PRKN: variants seen among roughly 807,000 people sequenced by gnomAD.
The protein encoded by PRKN is parkin RBR E3 ubiquitin protein ligase, also known as E3 ubiquitin-protein ligase parkin.
A neutral mutation model predicts 59.5 loss-of-function variants in PRKN; 56 were observed. The ratio of observed to expected loss-of-function variants is 0.94; its 90% CI spans 0.76 to 1.18. The LOEUF is 1.18. PRKN is among the 50% of genes most tolerant of loss of function. PRKN has a pLI of 0.00. For synonymous variants in PRKN, 250 were observed against 222.1 expected (o/e 1.13, Z -1.12); for missense variants, 657 against 596.4 (o/e 1.10, Z -1.06).
intron 7 of PRKN, 145 bp from the exon 8 acceptor site, chr6:161,569,561 C>T (rs894027493): frequency 5.4e-6 from 4 of 738,640 alleles, no homozygotes; most frequent in African/African-American, 3.5e-5. Flanking sequence ...ATCTAACCAA[C>T]CACAAAAAAA....
intron 6 of PRKN, among the ~76,000 whole-genome samples, chr6:161,825,897 G>T (rs1792224193): frequency 6.6e-6 from 1 of 152,140 alleles, no homozygotes. Flanking sequence ...GACCAACTGT[G>T]GCTCTTTAGG....
At chr6:161,771,595 C>G (rs908166624) in intron 7 of PRKN, among the ~76,000 whole-genome samples, 9 of 151,980 alleles carry the variant, frequency 5.9e-5, no homozygotes, top group Admixed American at 3.9e-4. Flanking sequence ...CTGGTGATGT[C>G]TAGTAATGGT....
At chr6:162,243,887 C>T (rs1197512763) in intron 3 of PRKN, among the ~76,000 whole-genome samples, 1 of 152,000 alleles carries the variant, frequency 6.6e-6, no homozygotes, top group Non-Finnish European at 1.5e-5. Flanking sequence ...GGATGTAATT[C>T]ACGAATATAT....
chr6:161,954,192 AATACAT>A (rs1780088583), intron 6 of PRKN, among the ~76,000 whole-genome samples: 4 of 152,194 alleles, frequency 2.6e-5, no homozygotes, highest in Non-Finnish European at 5.9e-5. Context: ...TAGCTTCTAT[AATACAT>A]CGAAGCGAAG....
chr6:161,654,238 TTA>T (rs1784256144), intron 7 of PRKN, among the ~76,000 whole-genome samples: 1 of 152,220 alleles, frequency 6.6e-6, no homozygotes, highest in Non-Finnish European at 1.5e-5. Context: ...ATAAACTTAA[TTA>T]TGTTATTTTC....
At chr6:162,531,963 A>T (rs1294229726) in intron 1 of PRKN, among the ~76,000 whole-genome samples, 1 of 152,122 alleles carries the variant, frequency 6.6e-6, no homozygotes, top group Non-Finnish European at 1.5e-5. Context: ...AAAAAATGTA[A>T]CAAAACTTAC....
chr6:162,211,145 A>C (rs745553234), intron 3 of PRKN, among the ~76,000 whole-genome samples: 17 of 152,172 alleles, frequency 1.1e-4, no homozygotes, highest in African/African-American at 3.9e-4. Context: ...ACTTTACAAA[A>C]TACTGTAGGG....
intron 2 of PRKN, among the ~76,000 whole-genome samples, chr6:162,301,646 T>G (rs2128113619): frequency 6.6e-6 from 1 of 152,184 alleles, no homozygotes; most frequent in Non-Finnish European, 1.5e-5. Flanking sequence ...CTGCCTTTTC[T>G]TAAAAGCATG....
rs1454908569 is a variant in PRKN at position 161,350,388 on chromosome 6, CT to C, written c.1286-178del. On this transcript the variant is annotated intron_variant, in intron 11 of 11. Coordinates refer to ENST00000366898, the MANE Select transcript of PRKN (RefSeq NM_004562.3). ...AACTTCATAAAGCACAATAGGGCAG[CT>C]CTAAAGTGATGATATTCATTAAGAA... Among the ~76,000 whole-genome samples the C allele has an allele frequency of 1.1e-4, 17 of 151,782 alleles. 1 individual carries two copies. The East Asian group carries it at 3.3e-3, about 29-fold the overall frequency.
At chr6:162,270,049 T>C (rs1156866741) in intron 2 of PRKN, 1 of 152,198 alleles carries the variant, frequency 6.6e-6, no homozygotes, top group African/African-American at 2.4e-5. Context: ...GAAGTCATTA[T>C]ACAGAAAAGA....
At position 162,338,110 on chromosome 6, in the gene PRKN, AAGG is replaced by A. The variant is rs368670556; in HGVS notation, c.172-75348_172-75346del. Among the ~76,000 whole-genome samples the A allele has an allele frequency of 7.9e-4, 121 of 152,302 alleles. 1 individual carries two copies. The East Asian group carries it at 0.017, about 22-fold the overall frequency. On this transcript the variant is annotated intron_variant, in intron 2 of 11. Transcript: ENST00000366898. ...ACTAGGACAGTGGCCCGGGAGACAG[AAGG>A]AGAAGAAGCATTTGCTCCTGACTTC...
chr6:161,829,697 C>A (rs1009376895), intron 6 of PRKN, among the ~76,000 whole-genome samples: 22 of 151,998 alleles, frequency 1.4e-4, no homozygotes, highest in African/African-American at 5.3e-4. Flanking sequence ...CTGCAGGATG[C>A]CCCGGAGAGC....
At chr6:161,601,707 C>T (rs542677391) in intron 7 of PRKN, among the ~76,000 whole-genome samples, 2 of 151,768 alleles carry the variant, frequency 1.3e-5, no homozygotes, top group Non-Finnish European at 2.9e-5. Context: ...CTCAGCCTCC[C>T]GAGTAGCTGG....
At chr6:161,617,784 G>A (rs1196422479) in intron 7 of PRKN, among the ~76,000 whole-genome samples, 1 of 152,240 alleles carries the variant, frequency 6.6e-6, no homozygotes, top group Non-Finnish European at 1.5e-5. Context: ...GAAATGGCAT[G>A]GGATGGGGGG....
intron 2 of PRKN, among the ~76,000 whole-genome samples, chr6:162,427,430 G>A (rs1264254674): frequency 6.6e-6 from 1 of 152,172 alleles, no homozygotes; most frequent in South Asian, 2.1e-4. Flanking sequence ...CCAATAGCAT[G>A]AGAATAAATC....
At chr6:161,586,949 T>C (rs1372761948) in intron 7 of PRKN, among the ~76,000 whole-genome samples, 10 of 152,198 alleles carry the variant, frequency 6.6e-5, no homozygotes, top group Admixed American at 6.5e-4. Flanking sequence ...GACTGCTCTC[T>C]CCTTTCAAAG....
chr6:162,288,646 C>T (rs1273600421), intron 2 of PRKN, among the ~76,000 whole-genome samples: 2 of 152,100 alleles, frequency 1.3e-5, no homozygotes, highest in Non-Finnish European at 2.9e-5. Flanking sequence ...GAGCCCTCAC[C>T]GAGGCCCCCA....
At chr6:162,220,400 C>A (rs900325130) in intron 3 of PRKN, among the ~76,000 whole-genome samples, 1 of 152,102 alleles carries the variant, frequency 6.6e-6, no homozygotes, top group African/African-American at 2.4e-5. Context: ...AGTAAACAGG[C>A]AACTACAGTC....
At chr6:162,412,222 A>G (rs556211653) in intron 2 of PRKN, among the ~76,000 whole-genome samples, 46 of 152,314 alleles carry the variant, frequency 3.0e-4, no homozygotes, top group African/African-American at 1.1e-3. Flanking sequence ...GGCTCAAAGT[A>G]AATTTCTGGA....
Sources: allele counts gnomAD v4.1 joint callset (sites outside exome capture counted in the v4.1 genomes callset), GRCh38; gene constraint gnomAD v4.1.1; transcripts MANE v1.5; gene names NCBI Gene and HGNC (gene_info 2026-07-23, HGNC 2026-07-21).